The following LRP1B variants were observed in gnomAD, a reference collection of about 807,000 sequenced individuals.
LRP1B encodes LDL receptor related protein 1B, also known as low-density lipoprotein receptor-related protein 1B.
A neutral mutation model predicts 556.6 loss-of-function variants in LRP1B; 217 were observed. The observed-to-expected ratio is 0.39, with a 90% confidence interval of 0.35 to 0.44. LRP1B has a LOEUF of 0.44. LRP1B is among the 20% of genes least tolerant of loss of function. The pLI, the probability that LRP1B is intolerant of heterozygous loss-of-function variation, is 1.00. For synonymous variants in LRP1B, 2,047 were observed against 1,865.8 expected (o/e 1.10, Z -2.50); for missense variants, 5,053 against 5,620.8 (o/e 0.90, Z 3.23).
rs570641394 is a variant in LRP1B, at chr2:141,374,475, C to T, written c.343+105921G>A. Among the ~76,000 whole-genome samples, 7 of 152,210 alleles carry T rather than the reference C, an allele frequency of 4.6e-5. No individual in the cohort carries two copies. In the East Asian group the frequency reaches 1.4e-3, roughly 29 times the overall value. On this transcript the variant is annotated intron_variant, in intron 3 of 90. Transcript: ENST00000389484. Reference sequence around the variant, plus strand: ...TATTCCCTTAAATAGCTTTTCTAAACTTTTTAATCTCTCTTGCTGCCGGGA... The same window carrying T: ...TATTCCCTTAAATAGCTTTTCTAAATTTTTTAATCTCTCTTGCTGCCGGGA...
Position 141,464,584 on chromosome 2 carries a change from G to GTATATATATATATA in LRP1B, c.343+15798_343+15811dup, listed in dbSNP as rs1236041290. Among the ~76,000 whole-genome samples, 141 of 88,408 alleles carry GTATATATATATATA rather than the reference G, an allele frequency of 1.6e-3. 3 individuals carry two copies. The East Asian group carries it at 0.017, about 11-fold the overall frequency. 58.0% of individuals were successfully genotyped at this position (88,408 alleles called of 152,430 possible). A position where few individuals can be genotyped will look rare whatever the true frequency, so the allele number is the denominator to read the frequency against. On this transcript the variant is annotated intron_variant, in intron 3 of 90. Coordinates refer to ENST00000389484, the MANE Select transcript of LRP1B (RefSeq NM_018557.3). ...CCCGCCACCACGCCTGGCTAATTTT[G>GTATATATATATATA]TATATATATATATATATATATATTT...
chr2:142,042,577 C>T (rs940911061), intron 1 of LRP1B, among the ~76,000 whole-genome samples: 1 of 151,400 alleles, frequency 6.6e-6, no homozygotes, highest in African/African-American at 2.4e-5. Flanking sequence ...TTGTTATTCA[C>T]AGCAATAAAA....
At chr2:140,761,937 C>G (rs1334239768) in intron 35 of LRP1B, among the ~76,000 whole-genome samples, 1 of 151,712 alleles carries the variant, frequency 6.6e-6, no homozygotes, top group African/African-American at 2.4e-5. Flanking sequence ...CTCTTCTTCT[C>G]CTCATCCATT....
Position 141,807,469 on chromosome 2 carries a change from C to T in LRP1B, c.205+2810G>A, listed in dbSNP as rs539754440. Among the ~76,000 whole-genome samples the T allele has an allele frequency of 4.6e-5, 7 of 152,048 alleles. No homozygotes were observed. The South Asian group carries it at 8.3e-4, about 18-fold the overall frequency. ...CAGTGTTGCCTTTAAGGATATTCAG[C>T]AATTTTAATGTTAGAGGATAAAATA... On this transcript the variant is annotated intron_variant, in intron 2 of 90. Transcript: ENST00000389484.
chr2:140,886,931 G>A (rs540392252), intron 23 of LRP1B, among the ~76,000 whole-genome samples: 75 of 152,182 alleles, frequency 4.9e-4, no homozygotes, highest in Non-Finnish European at 8.5e-4. Context: ...TAGGGAGAAA[G>A]GAAAGAAGCT....
intron 2 of LRP1B, among the ~76,000 whole-genome samples, chr2:141,631,526 G>C (rs1052043697): frequency 9.5e-6 from 1 of 105,788 alleles, no homozygotes; most frequent in Non-Finnish European, 1.9e-5. Flanking sequence ...ACTTTAAAAT[G>C]AACCAGTTTT....
At chr2:141,142,887 T>G (rs1291743908) in intron 7 of LRP1B, among the ~76,000 whole-genome samples, 1 of 149,866 alleles carries the variant, frequency 6.7e-6, no homozygotes, top group African/African-American at 2.5e-5. Context: ...TTTGAATGAG[T>G]GAACTGGCAA....
intron 2 of LRP1B, among the ~76,000 whole-genome samples, chr2:141,624,036 C>CAAAAAAAAAAAAAAAAAAAAAAA: frequency 1.2e-3 from 112 of 90,682 alleles, no homozygotes; most frequent in Non-Finnish European, 1.4e-3. Flanking sequence ...AAAAATTAAA[C>CAAAAAAAAAAAAAAAAAAAAAAA]AAAAAAAAAA....
chr2:141,647,657 A>G (rs1169152218), intron 2 of LRP1B, among the ~76,000 whole-genome samples: 3 of 148,796 alleles, frequency 2.0e-5, no homozygotes, highest in Non-Finnish European at 4.5e-5. Flanking sequence ...ATATTAATTC[A>G]TGACTACATT....
intron 3 of LRP1B, among the ~76,000 whole-genome samples, chr2:141,357,377 CCT>C (rs1688666760): frequency 6.6e-6 from 1 of 151,946 alleles, no homozygotes; most frequent in Admixed American, 6.5e-5. Context: ...ATAAGAAATA[CCT>C]GTTTTCTTTT....
intron 18 of LRP1B, among the ~76,000 whole-genome samples, chr2:140,958,279 T>C (rs1249431010): frequency 1.3e-5 from 2 of 151,370 alleles, no homozygotes; most frequent in Non-Finnish European, 3.0e-5. Flanking sequence ...ATAGGGAATA[T>C]AAAATAGGTA....
rs1465837392 is a variant in LRP1B at position 140,268,441 on chromosome 2, A to G, written c.13247+1801T>C. Among the ~76,000 whole-genome samples, 8 of 151,988 alleles carry G rather than the reference A, an allele frequency of 5.3e-5. 1 individual carries two copies. The highest frequency in any genetic ancestry group is 5.3e-4 in the Admixed American group (8 of 15,214). On this transcript the variant is annotated intron_variant, in intron 86 of 90. Transcript: ENST00000389484. ...GTCTCAGCAACTCATTATGAATAAA[A>G]TAGTAGCATTTTGGTAATAAAATAT...
chr2:140,494,092 C>A (rs990972141), intron 56 of LRP1B, among the ~76,000 whole-genome samples: 2 of 152,102 alleles, frequency 1.3e-5, no homozygotes, highest in African/African-American at 4.8e-5. Flanking sequence ...CTCTGTAGTG[C>A]AAGATTTATG....
intron 41 of LRP1B, among the ~76,000 whole-genome samples, chr2:140,669,148 G>A (rs1321472880): frequency 6.6e-6 from 1 of 152,060 alleles, no homozygotes; most frequent in Non-Finnish European, 1.5e-5. Context: ...CATAAGCCAC[G>A]GACATGGTAG....
At position 141,851,439 on chromosome 2, in the gene LRP1B, G is replaced by A. The variant is rs1697852832; in HGVS notation, c.83-41038C>T. Reference sequence around the variant, plus strand: ...ATACACTGAAATATACTGTACTCAGGAATATTTTTATTAGGCTTTATTCTA... The same window carrying A: ...ATACACTGAAATATACTGTACTCAGAAATATTTTTATTAGGCTTTATTCTA... On this transcript the variant is annotated intron_variant, in intron 1 of 90. Transcript: ENST00000389484. Among the ~76,000 whole-genome samples, 3 of 151,638 alleles carry A rather than the reference G, an allele frequency of 2.0e-5. No individual in the cohort carries two copies. In the South Asian group the frequency reaches 6.2e-4, roughly 32 times the overall value.
intron 59 of LRP1B, among the ~76,000 whole-genome samples, chr2:140,482,632 C>T (rs754350049): frequency 3.3e-5 from 5 of 152,026 alleles, no homozygotes; most frequent in Non-Finnish European, 5.9e-5. Flanking sequence ...TTTCTGTCTA[C>T]TTGTATCTTT....
chr2:141,625,572 T>C (rs564576863), intron 2 of LRP1B, among the ~76,000 whole-genome samples: 20 of 152,328 alleles, frequency 1.3e-4, no homozygotes, highest in African/African-American at 4.6e-4. Flanking sequence ...GGGTAGAGAC[T>C]CTTATTTACC....
At chr2:141,190,874 G>C (rs1381128419) in intron 6 of LRP1B, among the ~76,000 whole-genome samples, 3 of 151,920 alleles carry the variant, frequency 2.0e-5, no homozygotes, top group East Asian at 3.9e-4. Context: ...GTTGAAGAAG[G>C]GCTCCCTAAC....
chr2:140,355,035 G>A (rs986230139), intron 75 of LRP1B, among the ~76,000 whole-genome samples: 6 of 151,752 alleles, frequency 4.0e-5, no homozygotes, highest in Non-Finnish European at 7.4e-5. Flanking sequence ...AAAAATAGAT[G>A]AACATTTTAT....
Sources: gnomAD v4.1 joint callset for allele counts (sites outside exome capture counted in the v4.1 genomes callset) on GRCh38, gnomAD v4.1.1 for gene constraint, MANE v1.5 for transcripts, NCBI Gene and HGNC (gene_info 2026-07-23, HGNC 2026-07-21) for gene names.